LRRC37A2: variants seen among roughly 807,000 people sequenced by gnomAD.
LRRC37A2 encodes leucine-rich repeat-containing protein 37A2.
A neutral mutation model predicts 68.8 loss-of-function variants in LRRC37A2; 9 were observed. The ratio of observed to expected loss-of-function variants is 0.13; its 90% CI spans 0.08 to 0.23. The LOEUF (loss-of-function observed/expected upper bound fraction) is 0.23. Ranked by LOEUF, LRRC37A2 falls within the 10% of genes least tolerant of loss-of-function variation. The probability of loss-of-function intolerance (pLI) is 1.00; values close to 1 mark genes in which losing one functional copy is unlikely to be tolerated. For missense variants in LRRC37A2, 168 were observed against 950.4 expected, an observed-to-expected ratio of 0.18 and a Z score of 10.82; for synonymous variants, 63 against 367.6, an observed-to-expected ratio of 0.17 and a Z score of 9.48.
the LRRC37A2 span, among the ~76,000 whole-genome samples, chr17:46,947,315 C>G: frequency 6.6e-6 from 1 of 152,300 alleles, no homozygotes; most frequent in African/African-American, 2.4e-5. Flanking sequence ...TTGTTAGTCT[C>G]TCTCCCAGGA....
the LRRC37A2 span, among the ~76,000 whole-genome samples, chr17:46,785,180 C>T: frequency 6.6e-6 from 1 of 152,212 alleles, no homozygotes; most frequent in Non-Finnish European, 1.5e-5. Context: ...CCAGCCCTAA[C>T]CATGCTCCTG....
chr17:46,979,332 C>A, the LRRC37A2 span: 1 of 201,022 alleles, frequency 5.0e-6, no homozygotes. Flanking sequence ...CCCCGCCGGT[C>A]CCCGCGGCAT....
At chr17:46,676,233 CTTT>C in the LRRC37A2 span, among the ~76,000 whole-genome samples, 12,885 of 129,754 alleles carry the variant, frequency 0.099, no homozygotes, top group Non-Finnish European at 0.15. Context: ...AATTCTTCTT[CTTT>C]TTTTTTTTTT....
At chr17:46,812,933 A>AT in the LRRC37A2 span, among the ~76,000 whole-genome samples, 6 of 152,132 alleles carry the variant, frequency 3.9e-5, no homozygotes, top group African/African-American at 1.4e-4. Flanking sequence ...CATTACACTC[A>AT]TTTTACAGAT....
the LRRC37A2 span, among the ~76,000 whole-genome samples, chr17:46,814,026 A>C: frequency 1.3e-5 from 2 of 152,154 alleles, no homozygotes; most frequent in Non-Finnish European, 2.9e-5. Context: ...CTCCTAAAGG[A>C]CTTGGCACCA....
chr17:46,768,177 T>A, the LRRC37A2 span: 2 of 1,296,870 alleles, frequency 1.5e-6, no homozygotes, highest in Non-Finnish European at 2.1e-6. The surrounding 1 kb of genome is among the most constrained non-coding windows in gnomAD (Gnocchi z 5.0). Context: ...CCTAGCTTCC[T>A]ATTTTGGCTG....
the LRRC37A2 span, among the ~76,000 whole-genome samples, chr17:47,015,263 G>A: frequency 4.6e-5 from 7 of 152,058 alleles, no homozygotes; most frequent in South Asian, 2.1e-4. Context: ...CCACCTTGGC[G>A]TCCCAAAGTG....
chr17:46,812,468 C>T, the LRRC37A2 span, among the ~76,000 whole-genome samples: 37 of 152,320 alleles, frequency 2.4e-4, 1 homozygote, highest in East Asian at 6.7e-3. Context: ...CTGCTCTGGG[C>T]GGCCCTGGTG....
At chr17:46,730,597 G>A in the LRRC37A2 span, among the ~76,000 whole-genome samples, 2 of 152,192 alleles carry the variant, frequency 1.3e-5, no homozygotes, top group African/African-American at 4.8e-5. Context: ...ATTATCTTAT[G>A]CTTTTAAATC....
At chr17:46,900,174 T>C in the LRRC37A2 span, among the ~76,000 whole-genome samples, 7 of 30,346 alleles carry the variant, frequency 2.3e-4, no homozygotes, top group South Asian at 3.5e-3. Context: ...TATACATATA[T>C]ATATATATAT....
chr17:46,723,374 A>C, the LRRC37A2 span, among the ~76,000 whole-genome samples: 1 of 152,252 alleles, frequency 6.6e-6, no homozygotes, highest in Admixed American at 6.5e-5. Context: ...ACCTGAGTTT[A>C]TAAGATACCA....
At chr17:46,990,522 G>C in the LRRC37A2 span, among the ~76,000 whole-genome samples, 1 of 152,172 alleles carries the variant, frequency 6.6e-6, no homozygotes, top group Non-Finnish European at 1.5e-5. Context: ...GACAAGGGAA[G>C]GACATGGTTC....
chr17:46,940,666 G>A, the LRRC37A2 span: 4 of 1,612,978 alleles, frequency 2.5e-6, no homozygotes, highest in Middle Eastern at 1.6e-4. Flanking sequence ...CATCATGCGT[G>A]GACTGATAGG....
chr17:46,413,500 A>G, the LRRC37A2 span, among the ~76,000 whole-genome samples: 2 of 20,342 alleles, frequency 9.8e-5, no homozygotes, highest in East Asian at 1.9e-3. Flanking sequence ...ACACACACAC[A>G]CACACACACA....
the LRRC37A2 span, chr17:46,885,041 T>C: frequency 7.1e-4 from 313 of 441,464 alleles, no homozygotes; most frequent in African/African-American, 5.7e-3. Context: ...CAGGTTGGAG[T>C]GCAGTGGCAA....
the LRRC37A2 span, among the ~76,000 whole-genome samples, chr17:46,899,533 T>C: frequency 2.0e-5 from 3 of 152,188 alleles, no homozygotes; most frequent in African/African-American, 7.2e-5. Context: ...ACATATTGTA[T>C]GATTCCATTT....
At chr17:46,940,432 G>A in the LRRC37A2 span, 1 of 1,601,994 alleles carries the variant, frequency 6.2e-7, no homozygotes, top group Non-Finnish European at 8.5e-7. Flanking sequence ...TAACTCTGGG[G>A]AGGCACATTG....
chr17:46,921,648 C>T, the LRRC37A2 span, among the ~76,000 whole-genome samples: 1 of 152,154 alleles, frequency 6.6e-6, no homozygotes, highest in Non-Finnish European at 1.5e-5. Flanking sequence ...AAAAAACAAA[C>T]AACCCCATCA....
At chr17:46,403,873 T>C in the LRRC37A2 span, among the ~76,000 whole-genome samples, 1 of 59,594 alleles carries the variant, frequency 1.7e-5, no homozygotes, top group Non-Finnish European at 3.9e-5. Flanking sequence ...TAATTTTTTG[T>C]TATTTTTTAG....
Sources: allele counts gnomAD v4.1 joint callset (sites outside exome capture counted in the v4.1 genomes callset), GRCh38; gene constraint gnomAD v4.1.1; non-coding constraint Gnocchi (gnomAD v3.1); transcripts MANE v1.5; gene names NCBI Gene and HGNC (gene_info 2026-07-23, HGNC 2026-07-21).